The following DOP1A variants were observed in gnomAD, a reference collection of about 807,000 sequenced individuals.
DOP1A encodes the protein protein DOP1A.
Under a neutral mutation model 267.6 loss-of-function variants are expected in DOP1A, and 90 were observed. That is an observed-to-expected ratio of 0.34 (90% CI 0.28 to 0.40). The LOEUF (loss-of-function observed/expected upper bound fraction) is 0.40, where lower values mean the gene tolerates loss of function less well. DOP1A is among the 10% of genes least tolerant of loss of function. The pLI is 1.00. For missense variants in DOP1A, 2,437 were observed against 2,900.4 expected (o/e 0.84, Z 3.67); for synonymous variants, 932 against 999.1 (o/e 0.93, Z 1.27).
intron 5 of DOP1A, 103 bp downstream of exon 5, chr6:83,109,183 C>A: frequency 2.0e-6 from 2 of 1,017,966 alleles, no homozygotes; most frequent in Non-Finnish European, 2.9e-6. Flanking sequence ...TTATTCTAGA[C>A]AGTTCAGTAT....
At chr6:83,149,606 TGAAAG>T (rs1322761575) in intron 27 of DOP1A, among the ~76,000 whole-genome samples, 5 of 152,048 alleles carry the variant, frequency 3.3e-5, no homozygotes, top group Non-Finnish European at 5.9e-5. Context: ...AATGTGGTCT[TGAAAG>T]GGAGTGGGAG....
intron 38 of DOP1A, chr6:83,166,142 AATTTTTTTAT>A (rs1210679219): frequency 1.2e-4 from 57 of 464,460 alleles, no homozygotes; most frequent in Non-Finnish European, 2.1e-4. Flanking sequence ...CAAAACAACG[AATTTTTTTAT>A]TTTTCACTCA....
chr6:83,088,715 C>T (rs558466342), intron 1 of DOP1A, among the ~76,000 whole-genome samples: 7 of 152,274 alleles, frequency 4.6e-5, no homozygotes, highest in African/African-American at 1.2e-4. Context: ...CCACCATGCC[C>T]GGCCTTCATC....
intron 38 of DOP1A, chr6:83,167,501 A>G (rs1420530329): frequency 9.9e-7 from 1 of 1,006,070 alleles, no homozygotes; most frequent in Non-Finnish European, 1.2e-6. Context: ...TTTGTGACCT[A>G]GTCCTTGGTT....
At chr6:83,080,251 G>C (rs973556608) in intron 1 of DOP1A, among the ~76,000 whole-genome samples, 2 of 152,028 alleles carry the variant, frequency 1.3e-5, no homozygotes, top group African/African-American at 4.8e-5. Flanking sequence ...TATCCTAAAA[G>C]CAAAATTTAG....
downstream of DOP1A, chr6:83,170,586 T>C (rs1583247206): frequency 2.4e-6 from 2 of 833,472 alleles, no homozygotes; most frequent in Non-Finnish European, 3.8e-6. Context: ...TAAAATTACA[T>C]TAAAACTTCT....
chr6:83,148,109 A>C (rs1399891161), intron 26 of DOP1A, among the ~76,000 whole-genome samples: 1 of 152,098 alleles, frequency 6.6e-6, no homozygotes, highest in Non-Finnish European at 1.5e-5. Context: ...TCAATAGAAA[A>C]ATTTCTAGAT....
intron 7 of DOP1A, among the ~76,000 whole-genome samples, chr6:83,115,843 C>G (rs1159408337): frequency 6.6e-6 from 1 of 152,222 alleles, no homozygotes; most frequent in East Asian, 1.9e-4. Flanking sequence ...CTAACATCTT[C>G]TACTTTCTGC....
In DOP1A at chr6:83,137,585, C is replaced by T. The variant is rs772720826; in HGVS notation, c.3543C>T (p.Pro1181=). The change falls in exon 21 of 39, where the codon CCC becomes CCT. Residue 1181 remains proline (P), a synonymous_variant. Transcript: ENST00000349129. ...CTCAATTAGAAATTGAAGCTATGCCCCCAAAGTGCAGTGATATAGATCCAG... is the reference window on the plus strand; with the variant it reads ...CTCAATTAGAAATTGAAGCTATGCCTCCAAAGTGCAGTGATATAGATCCAG... ...VTSQLEIEAM[P]PKCSDIDPDE... 70 of 1,613,738 alleles carry T rather than the reference C, an allele frequency of 4.3e-5. No homozygotes were observed. The highest frequency in any genetic ancestry group is 2.0e-4 in the South Asian group (18 of 91,066).
rs904146674 is a variant in DOP1A, at chr6:83,159,785, C to T, written c.6798-11C>T. ...GGTCCAGCTGCTGACAGCACTGTCT[C>T]CTGCTTACAGGACTTCAGGGCCCTC... On this transcript the variant is annotated splice_polypyrimidine_tract_variant and intron_variant, in intron 36 of 38. Transcript: ENST00000349129. The T allele has an allele frequency of 6.2e-6, 10 of 1,614,000 alleles. No individual in the cohort carries two copies. The African/African-American group carries it at 6.7e-5, about 11-fold the overall frequency.
intron 15 of DOP1A, among the ~76,000 whole-genome samples, chr6:83,126,132 A>G (rs1332391397): frequency 1.3e-5 from 2 of 150,846 alleles, no homozygotes; most frequent in African/African-American, 4.9e-5. Context: ...TCTAGTGTGC[A>G]TTTTACACTT....
rs192656917 is a variant in DOP1A at position 83,154,409 on chromosome 6, G to A, written c.6451+168G>A. On this transcript the variant is annotated intron_variant, in intron 33 of 38. Coordinates refer to ENST00000349129, the MANE Select transcript of DOP1A (RefSeq NM_015018.4). Reference sequence around the variant, plus strand: ...GCACACTACTTTCTGTACGCTATGGGAATATAATCTTAAAATTTACAGAGG... The same window carrying A: ...GCACACTACTTTCTGTACGCTATGGAAATATAATCTTAAAATTTACAGAGG... 5.2e-5 allele frequency: 32 copies of A among 611,770 alleles called. No individual in the cohort carries two copies. In the Admixed American group the frequency reaches 9.2e-4, roughly 18 times the overall value. 37.9% of individuals were successfully genotyped at this position (611,770 alleles called of 1,614,324 possible).
intron 8 of DOP1A, among the ~76,000 whole-genome samples, chr6:83,119,464 CATA>C (rs1304770196): frequency 1.3e-5 from 2 of 151,998 alleles, no homozygotes; most frequent in African/African-American, 2.4e-5. Flanking sequence ...AGTGAGGGGA[CATA>C]ATATAACTTA....
At chr6:83,128,744 T>A in intron 15 of DOP1A, 143 bp from the exon 16 acceptor site, 1 of 874,006 alleles carries the variant, frequency 1.1e-6, no homozygotes, top group Non-Finnish European at 1.6e-6. Flanking sequence ...AATGAATAAA[T>A]CAGTGTGGGG....
intron 25 of DOP1A, 68 bp downstream of exon 25, chr6:83,145,726 T>C: frequency 6.6e-7 from 1 of 1,517,466 alleles, no homozygotes; most frequent in Non-Finnish European, 9.0e-7. Context: ...TAAGATTTTT[T>C]TTTGTACAAT....
At chr6:83,117,675 A>G (rs1029777548) in intron 7 of DOP1A, among the ~76,000 whole-genome samples, 1 of 152,204 alleles carries the variant, frequency 6.6e-6, no homozygotes, top group Non-Finnish European at 1.5e-5. Flanking sequence ...CAACAAAACA[A>G]AAAGCCCAAT....
In DOP1A at chr6:83,168,370, G is replaced by A. The variant is rs1583235326; in HGVS notation, c.*203G>A. The A allele has an allele frequency of 7.2e-7, 1 of 1,380,648 alleles. No homozygotes were observed. The highest frequency in any genetic ancestry group is 2.8e-5 in the East Asian group (1 of 35,998). The allele number at this position is 1,380,648 out of a possible 1,614,324, so 85.5% of individuals were successfully genotyped here. A position where few individuals can be genotyped will look rare whatever the true frequency, so the allele number is the denominator to read the frequency against. ...AATATTGTTGGCTCATACTGATTAT[G>A]GTGCCTAAGAGAGCTATATATATAC... On this transcript the variant is annotated 3_prime_UTR_variant, in exon 39 of 39. Coordinates refer to ENST00000349129, the MANE Select transcript of DOP1A (RefSeq NM_015018.4).
In DOP1A at chr6:83,129,064, A is replaced by T; in HGVS notation, c.1897A>T (p.Ser633Cys). Residue 633 changes from serine (S) to cysteine (C), a missense_variant, in exon 16 of 39, where the codon AGC (serine) becomes TGC (cysteine). Ser to Cys is a moderately radical substitution (Grantham distance 112). Coordinates refer to ENST00000349129, the MANE Select transcript of DOP1A (RefSeq NM_015018.4). ...GGGGGCAGCTGCCATCCCAATTGGT[A>T]GCACATCCTCTGAGACAGAAACAGC... The part of the protein sequence containing the change: ...GQGAAAIPIG[S>C]TSSETETAST... 1 of 1,614,036 alleles carries T rather than the reference A, an allele frequency of 6.2e-7. No homozygotes were observed. The highest frequency in any genetic ancestry group is 1.3e-5 in the African/African-American group (1 of 75,034).
At chr6:83,154,086 A>G in intron 32 of DOP1A, 43 bp downstream of exon 32, 2 of 1,613,136 alleles carry the variant, frequency 1.2e-6, no homozygotes, top group Non-Finnish European at 1.7e-6. Flanking sequence ...TGCACCTCAC[A>G]GTCTGATGAA....
Sources: gnomAD v4.1 joint callset for allele counts (sites outside exome capture counted in the v4.1 genomes callset) on GRCh38, gnomAD v4.1.1 for gene constraint, MANE v1.5 for transcripts, NCBI Gene and HGNC (gene_info 2026-07-23, HGNC 2026-07-21) for gene names.